KLF12: variants seen among roughly 807,000 people sequenced by gnomAD.
The protein encoded by KLF12 is KLF transcription factor 12, also known as Krueppel-like factor 12.
Under a neutral mutation model 37.8 loss-of-function variants are expected in KLF12, and 9 were observed. That is an observed-to-expected ratio of 0.24 (90% CI 0.14 to 0.42). The LOEUF is 0.42. KLF12 is among the 10% of genes least tolerant of loss of function. The probability of loss-of-function intolerance (pLI) is 1.00; values close to 1 mark genes in which losing one functional copy is unlikely to be tolerated. For synonymous variants in KLF12, 208 were observed against 202.1 expected (o/e 1.03, Z -0.25); for missense variants, 411 against 516.0 (o/e 0.80, Z 1.97).
intron 7 of KLF12, among the ~76,000 whole-genome samples, chr13:73,710,374 T>TTGTC (rs1875280362): frequency 7.9e-6 from 1 of 126,376 alleles, no homozygotes; most frequent in Non-Finnish European, 1.6e-5. Context: ...TTCGAAGATA[T>TTGTC]TGTCTGTGTG....
chr13:74,011,527 G>A (rs1892551876), intron 1 of KLF12, among the ~76,000 whole-genome samples: 1 of 151,998 alleles, frequency 6.6e-6, no homozygotes, highest in Non-Finnish European at 1.5e-5. Context: ...CTTTCTCTGT[G>A]GGTTCTGCAT....
chr13:74,264,975 G>A, the KLF12 span, among the ~76,000 whole-genome samples: 1 of 152,000 alleles, frequency 6.6e-6, no homozygotes, highest in African/African-American at 2.4e-5. Flanking sequence ...TATTGATCAT[G>A]CTAAAGAAAA....
the KLF12 span, among the ~76,000 whole-genome samples, chr13:74,143,184 CTCTT>C: frequency 6.6e-6 from 1 of 151,680 alleles, no homozygotes; most frequent in South Asian, 2.1e-4. Context: ...TCTTTCTTCT[CTCTT>C]TCTCCCTCTT....
At chr13:74,113,869 G>A (rs568151827) in intron 1 of KLF12, among the ~76,000 whole-genome samples, 10 of 152,318 alleles carry the variant, frequency 6.6e-5, no homozygotes, top group Admixed American at 4.6e-4. Flanking sequence ...CATTCTAGAT[G>A]TCCTAAGAAT....
At chr13:74,194,116 A>G in the KLF12 span, among the ~76,000 whole-genome samples, 316 of 152,322 alleles carry the variant, frequency 2.1e-3, no homozygotes, top group African/African-American at 7.2e-3. Flanking sequence ...GAGAACAAGG[A>G]AAGAAAAGAC....
the KLF12 span, among the ~76,000 whole-genome samples, chr13:74,260,553 C>CTAAAG: frequency 9.8e-6 from 1 of 101,684 alleles, no homozygotes; most frequent in Admixed American, 9.6e-5. Flanking sequence ...AACACTGTTT[C>CTAAAG]TAAAATAAAA....
chr13:73,820,322 C>A (rs1221682245), intron 4 of KLF12, among the ~76,000 whole-genome samples: 4 of 152,160 alleles, frequency 2.6e-5, no homozygotes, highest in African/African-American at 9.7e-5. Flanking sequence ...CTATGTGGCA[C>A]GTCCTTCCTA....
chr13:73,951,973 T>C (rs150307085), intron 2 of KLF12, among the ~76,000 whole-genome samples: 4,323 of 152,264 alleles, frequency 0.028, 91 homozygotes, highest in Non-Finnish European at 0.044. Context: ...AATAAAAAAA[T>C]ATAAGATCCA....
chr13:73,978,706 C>T (rs752036791), intron 2 of KLF12, among the ~76,000 whole-genome samples: 41 of 152,092 alleles, frequency 2.7e-4, no homozygotes, highest in Non-Finnish European at 5.3e-4. Context: ...TATATCTACA[C>T]AAAAATATGC....
chr13:74,100,381 G>A (rs896218332), intron 1 of KLF12, among the ~76,000 whole-genome samples: 4 of 152,110 alleles, frequency 2.6e-5, no homozygotes, highest in African/African-American at 9.7e-5. Flanking sequence ...ACACTGGGAG[G>A]CCAAGGTGGG....
At chr13:73,828,526 C>A (rs1883970365) in intron 4 of KLF12, among the ~76,000 whole-genome samples, 1 of 152,184 alleles carries the variant, frequency 6.6e-6, no homozygotes, top group Non-Finnish European at 1.5e-5. Flanking sequence ...TTATCCTTGA[C>A]ATCCAACTGG....
the KLF12 span, among the ~76,000 whole-genome samples, chr13:74,247,402 A>G: frequency 6.6e-6 from 1 of 152,160 alleles, no homozygotes; most frequent in Non-Finnish European, 1.5e-5. Context: ...GATCTTTGCT[A>G]CTGCTAATTG....
At chr13:73,889,916 A>T (rs1425916411) in intron 3 of KLF12, among the ~76,000 whole-genome samples, 1 of 152,100 alleles carries the variant, frequency 6.6e-6, no homozygotes, top group African/African-American at 2.4e-5. Flanking sequence ...ATTTTTAAAT[A>T]AAAAAAGAAC....
intron 2 of KLF12, among the ~76,000 whole-genome samples, chr13:73,946,129 T>C (rs977464914): frequency 7.2e-5 from 11 of 152,152 alleles, no homozygotes; most frequent in Admixed American, 2.6e-4. Context: ...TGTAGGCTGT[T>C]TGGCTGGTAG....
intron 6 of KLF12, among the ~76,000 whole-genome samples, chr13:73,739,727 T>C (rs1447557471): frequency 6.6e-6 from 1 of 152,228 alleles, no homozygotes; most frequent in African/African-American, 2.4e-5. Flanking sequence ...TTGTTGGCCA[T>C]TAATAGCTTC....
intron 1 of KLF12, among the ~76,000 whole-genome samples, chr13:74,021,443 G>A (rs2138425415): frequency 6.6e-6 from 1 of 152,286 alleles, no homozygotes; most frequent in Non-Finnish European, 1.5e-5. Context: ...AGGACATGAT[G>A]TTCGTTTGTG....
At chr13:74,214,229 T>C in the KLF12 span, among the ~76,000 whole-genome samples, 7 of 152,208 alleles carry the variant, frequency 4.6e-5, no homozygotes, top group East Asian at 7.7e-4. Flanking sequence ...ACTGATGTTT[T>C]ATCAATTCTG....
At chr13:73,951,843 T>C (rs779445279) in intron 2 of KLF12, among the ~76,000 whole-genome samples, 1 of 152,246 alleles carries the variant, frequency 6.6e-6, no homozygotes, top group African/African-American at 2.4e-5. Context: ...AGACTCTTTA[T>C]ATGCCATTAC....
intron 1 of KLF12, among the ~76,000 whole-genome samples, chr13:74,127,763 G>A (rs1016595745): frequency 8.6e-5 from 13 of 152,006 alleles, no homozygotes; most frequent in Non-Finnish European, 1.5e-4. Flanking sequence ...TACCTTTATT[G>A]TGCATTTTGT....
Sources: gnomAD v4.1 joint callset for allele counts (sites outside exome capture counted in the v4.1 genomes callset) on GRCh38, gnomAD v4.1.1 for gene constraint, MANE v1.5 for transcripts, NCBI Gene and HGNC (gene_info 2026-07-23, HGNC 2026-07-21) for gene names.